DDIAS: variants seen among roughly 807,000 people sequenced by gnomAD.
DDIAS encodes the protein DNA damage-induced apoptosis suppressor protein.
A neutral mutation model predicts 15.7 loss-of-function variants in DDIAS; 14 were observed. The observed-to-expected ratio is 0.89, with a 90% CI of 0.59 to 1.39. The LOEUF is 1.39. Ranked by LOEUF, DDIAS falls within the 40% of genes most tolerant of loss-of-function variation. The probability of loss-of-function intolerance (pLI) is 0.00; values close to 1 mark genes in which losing one functional copy is unlikely to be tolerated. For synonymous variants in DDIAS, 355 were observed against 395.9 expected, an observed-to-expected ratio of 0.90 and a Z score of 1.23; for missense variants, 1,035 against 1,130.9, an observed-to-expected ratio of 0.92 and a Z score of 1.22.
intron 4 of DDIAS, among the ~76,000 whole-genome samples, chr11:82,929,531 A>G (rs1189838019): frequency 1.3e-5 from 2 of 151,906 alleles, no homozygotes; most frequent in Non-Finnish European, 2.9e-5. Context: ...GTGAAACCCC[A>G]TCTCTACTAA....
chr11:82,930,099 T>C (rs1860951049), intron 4 of DDIAS, 58 bp from the exon 5 acceptor site: 1 of 986,302 alleles, frequency 1.0e-6, no homozygotes, highest in Non-Finnish European at 1.5e-6. Context: ...TCTGACTTTA[T>C]GGCAAGTAAA....
rs751231827 is a variant in DDIAS at position 82,930,227 on chromosome 11, G to A, written c.346G>A (p.Ala116Thr). ...NDTTQNLLTKAVETCFVGQSF... is the reference protein window; with the variant it reads ...NDTTQNLLTKTVETCFVGQSF... ...TACAACTCAGAATCTATTAACTAAAGCAGTTGAAACTTGCTTTGTTGGACA... is the reference window on the plus strand; with the variant it reads ...TACAACTCAGAATCTATTAACTAAAACAGTTGAAACTTGCTTTGTTGGACA... The change falls in exon 5 of 6, where the codon GCA becomes ACA. Residue 116 changes from alanine to threonine, a missense_variant. Physicochemically the swap from Ala to Thr is moderately conservative, Grantham distance 58 (BLOSUM62 0). Transcript: ENST00000533655. 1 of 1,604,046 alleles carries A rather than the reference G, an allele frequency of 6.2e-7. No individual in the cohort carries two copies.
intron 3 of DDIAS, among the ~76,000 whole-genome samples, chr11:82,919,803 C>T (rs646981): frequency 0.031 from 4,743 of 152,248 alleles, 100 homozygotes; most frequent in Admixed American, 0.05. Context: ...GTGATCTCAG[C>T]GCACTGCAAG....
chr11:82,903,069 G>T (rs1027774132), intron 1 of DDIAS, among the ~76,000 whole-genome samples: 1 of 152,220 alleles, frequency 6.6e-6, no homozygotes, highest in South Asian at 2.1e-4. Flanking sequence ...TGAACAGGTT[G>T]TGCAAACGTC....
chr11:82,918,148 G>T (rs1264214184), intron 3 of DDIAS, among the ~76,000 whole-genome samples: 3 of 152,086 alleles, frequency 2.0e-5, no homozygotes, highest in East Asian at 1.9e-4. Context: ...TTAAGTCCCA[G>T]CTATTTGTTT....
chr11:82,927,541 CTTTTT>C lies in DDIAS; in HGVS notation c.114-1234_114-1230del, dbSNP rs563326273. On this transcript the variant is annotated intron_variant, in intron 3 of 5. Transcript: ENST00000533655. ...TGCTTTCTGTTTGCCTTTTGCCACT[CTTTTT>C]TAAGATCTTTAGCAATCTGAAGAAA... Among the ~76,000 whole-genome samples, 534 of 152,278 alleles carry C rather than the reference CTTTTT, an allele frequency of 3.5e-3. 6 individuals are homozygous for C. The highest frequency in any genetic ancestry group is 0.012 in the African/African-American group (497 of 41,554).
intron 3 of DDIAS, among the ~76,000 whole-genome samples, chr11:82,916,781 C>A (rs1860640205): frequency 6.6e-6 from 1 of 152,120 alleles, no homozygotes; most frequent in South Asian, 2.1e-4. Flanking sequence ...ATTGTTAATG[C>A]CAACCTTTAA....
Position 82,933,288 on chromosome 11 carries a change from A to G in DDIAS, c.1950A>G (p.Lys650=). 1.2e-6 allele frequency: 2 copies of G among 1,613,788 alleles called. No individual in the cohort carries two copies. Among genetic ancestry groups the G allele is most frequent in the African/African-American group, 1.3e-5 (1 of 75,048 alleles). The change falls in exon 6 of 6, where the codon AAA becomes AAG. Residue 650 remains lysine, a synonymous_variant. Transcript: ENST00000533655. ...NSPNRSTNTL[K]EMPWGHINNN... ...CAAATAGAAGTACAAATACATTGAA[A>G]GAAATGCCTTGGGGACATATCAATA...
chr11:82,924,124 T>C (rs916869686), intron 3 of DDIAS, among the ~76,000 whole-genome samples: 1 of 152,252 alleles, frequency 6.6e-6, no homozygotes, highest in Non-Finnish European at 1.5e-5. Context: ...TATCATTTAC[T>C]TAAGCAAGTC....
Position 82,931,871 on chromosome 11 carries a change from T to G in DDIAS, c.533T>G (p.Ile178Ser). 1.2e-6 allele frequency: 2 copies of G among 1,614,220 alleles called. No homozygotes were observed. Among genetic ancestry groups the G allele is most frequent in the South Asian group, 2.2e-5 (2 of 91,086 alleles). The part of the protein sequence containing the change: ...PDPGIAGFTV[I>S]DYFHQLLQTF... ...CCAGGTATTGCAGGCTTTACTGTCATTGACTACTTCCATCAACTTTTGCAG... is the reference window on the plus strand; with the variant it reads ...CCAGGTATTGCAGGCTTTACTGTCAGTGACTACTTCCATCAACTTTTGCAG... Residue 178 changes from isoleucine to serine, a missense_variant, in exon 6 of 6, where the codon ATT (isoleucine) becomes AGT (serine). Transcript: ENST00000533655.
At chr11:82,910,042 A>G (rs1374787291) in intron 1 of DDIAS, among the ~76,000 whole-genome samples, 1 of 152,130 alleles carries the variant, frequency 6.6e-6, no homozygotes, top group Non-Finnish European at 1.5e-5. Flanking sequence ...ACTATACCGA[A>G]AAGATTTTAT....
chr11:82,909,363 T>A (rs1269158515), intron 1 of DDIAS: 1 of 152,218 alleles, frequency 6.6e-6, no homozygotes, highest in Non-Finnish European at 1.5e-5. Context: ...TACTGCAACC[T>A]GTTTTATCAG....
chr11:82,908,983 C>T (rs1382510071), intron 1 of DDIAS, among the ~76,000 whole-genome samples: 1 of 152,154 alleles, frequency 6.6e-6, no homozygotes, highest in African/African-American at 2.4e-5. Flanking sequence ...AAGTATTTCC[C>T]GATTCTAGAA....
At chr11:82,928,968 G>C in intron 4 of DDIAS, 30 bp downstream of exon 4, 2 of 1,584,192 alleles carry the variant, frequency 1.3e-6, no homozygotes, top group Non-Finnish European at 1.7e-6. Flanking sequence ...CCTTTTTCCT[G>C]ACTGCCCTTA....
chr11:82,911,049 A>G (rs1375167547), intron 1 of DDIAS, among the ~76,000 whole-genome samples: 2 of 152,216 alleles, frequency 1.3e-5, no homozygotes, highest in African/African-American at 4.8e-5. Flanking sequence ...CATCTTAATT[A>G]AAAAACACTT....
chr11:82,923,730 C>T (rs1860803419), intron 3 of DDIAS, among the ~76,000 whole-genome samples: 1 of 152,146 alleles, frequency 6.6e-6, no homozygotes, highest in Admixed American at 6.5e-5. Context: ...GATCTCTATT[C>T]TCATCCTTAT....
intron 3 of DDIAS, among the ~76,000 whole-genome samples, chr11:82,925,777 A>T (rs963361512): frequency 1.3e-5 from 2 of 152,092 alleles, no homozygotes; most frequent in African/African-American, 4.8e-5. Context: ...TCATGAGGTC[A>T]GGAGATCGAG....
Position 82,902,426 on chromosome 11 carries a change from C to A in DDIAS, c.-117+604C>A, listed in dbSNP as rs532468213. On this transcript the variant is annotated intron_variant, in intron 1 of 5. Coordinates refer to ENST00000533655, the MANE Select transcript of DDIAS (RefSeq NM_145018.4). The stretch of plus-strand genomic sequence containing the variant: ...CCGCCCCAGCTGGTTCTCCTGCTTT[C>A]AATCTTGCTACCTTCCAGTCCAGTC... Among the ~76,000 whole-genome samples the A allele has an allele frequency of 2.0e-5, 3 of 150,200 alleles. No homozygotes were observed. The South Asian group carries it at 6.4e-4, about 32-fold the overall frequency.
At chr11:82,902,261 T>C (rs970920603) in intron 1 of DDIAS, among the ~76,000 whole-genome samples, 54 of 152,210 alleles carry the variant, frequency 3.5e-4, no homozygotes, top group African/African-American at 1.2e-3. Context: ...GAAAGTTTTC[T>C]TCCTTTTCAC....
Sources: gnomAD v4.1 joint callset for allele counts (sites outside exome capture counted in the v4.1 genomes callset) on GRCh38, gnomAD v4.1.1 for gene constraint, MANE v1.5 for transcripts, NCBI Gene and HGNC (gene_info 2026-07-23, HGNC 2026-07-21) for gene names.